Variants in RBM25 observed in about 807,000 individuals in gnomAD.
RBM25 encodes the protein RNA-binding protein 25.
RBM25 carries 19 observed loss-of-function variants against 120.7 expected under a neutral mutation model. That is an observed-to-expected ratio of 0.16 (90% CI 0.11 to 0.23). The LOEUF is 0.23. RBM25 is among the 10% of genes least tolerant of loss of function. The pLI, the probability that RBM25 is intolerant of heterozygous loss-of-function variation, is 1.00. For synonymous variants in RBM25, 390 were observed against 326.7 expected (o/e 1.19, Z -2.09); for missense variants, 605 against 1,041.5 (o/e 0.58, Z 5.77).
At chr14:73,119,649 C>G in intron 18 of RBM25, 64 bp from the exon 19 acceptor site, 3 of 1,594,500 alleles carry the variant, frequency 1.9e-6, no homozygotes, top group Non-Finnish European at 1.7e-6. Flanking sequence ...ATACTGGCCA[C>G]TGTTTTTGGC....
intron 9 of RBM25, chr14:73,102,138 T>A (rs1896068935): frequency 6.6e-6 from 1 of 152,212 alleles, no homozygotes; most frequent in South Asian, 2.1e-4. Context: ...AAAAGAAAAA[T>A]GCACATTTTA....
intron 7 of RBM25, 96 bp downstream of exon 7, chr14:73,097,196 C>T (rs67768323): frequency 0.086 from 12,006 of 139,028 alleles, 2,229 homozygotes; most frequent in Middle Eastern, 0.31. Flanking sequence ...TTTTTCTTTT[C>T]TTTTTTTTTT....
At chr14:73,083,420 A>G in intron 4 of RBM25, 74 bp from the exon 5 acceptor site, 1 of 1,182,678 alleles carries the variant, frequency 8.5e-7, no homozygotes, top group Non-Finnish European at 1.2e-6. Flanking sequence ...GTAGAAATAT[A>G]ATTTTGCTTT....
In RBM25 at chr14:73,123,898, C is replaced by T. The variant is rs1896573919; in HGVS notation, c.*4093C>T. On this transcript the variant is annotated 3_prime_UTR_variant, in exon 19 of 19. Coordinates refer to ENST00000261973, the MANE Select transcript of RBM25 (RefSeq NM_021239.3). ...AAGCCATGTTGTTTGAATTAAATGACACTCCTGAGTCTGTCTACTTTTTTT... is the reference window on the plus strand; with the variant it reads ...AAGCCATGTTGTTTGAATTAAATGATACTCCTGAGTCTGTCTACTTTTTTT... The T allele has an allele frequency of 6.6e-6, 1 of 150,820 alleles. No individual in the cohort carries two copies. The highest frequency in any genetic ancestry group is 1.5e-5 in the Non-Finnish European group (1 of 67,864). 9.3% of individuals were successfully genotyped at this position (150,820 alleles called of 1,614,324 possible). A position where few individuals can be genotyped will look rare whatever the true frequency, so the allele number is the denominator to read the frequency against.
At chr14:73,074,768 C>T (rs1292898082) in intron 2 of RBM25, among the ~76,000 whole-genome samples, 1 of 150,640 alleles carries the variant, frequency 6.6e-6, no homozygotes, top group African/African-American at 2.5e-5. Context: ...TGCAGTGGTG[C>T]CATTACAGCT....
Position 73,103,988 on chromosome 14 carries a change from ACACACACTCT to A in RBM25, c.1154+512_1154+521del, listed in dbSNP as rs776905701. ...CACACACACACACACACACACACAC[ACACACACTCT>A]CTCTCTCTCTCTCTCTCTCACTATG... On this transcript the variant is annotated intron_variant, in intron 10 of 18. Transcript: ENST00000261973. Among the ~76,000 whole-genome samples, 29 of 118,404 alleles carry A rather than the reference ACACACACTCT, an allele frequency of 2.4e-4. 1 individual carries two copies. Among genetic ancestry groups the A allele is most frequent in the South Asian group, 8.2e-4 (3 of 3,658 alleles). The allele number at this position is 118,404 out of a possible 152,430, so 77.7% of individuals were successfully genotyped here. A position where few individuals can be genotyped will look rare whatever the true frequency, so the allele number is the denominator to read the frequency against.
chr14:73,093,750 AC>A (rs1895868825), intron 6 of RBM25, among the ~76,000 whole-genome samples: 1 of 151,344 alleles, frequency 6.6e-6, no homozygotes, highest in Non-Finnish European at 1.5e-5. Context: ...CAGGTGGTCC[AC>A]CCGCCTCGGC....
intron 18 of RBM25, among the ~76,000 whole-genome samples, chr14:73,114,914 C>T (rs950655990): frequency 3.9e-5 from 6 of 152,114 alleles, no homozygotes; most frequent in Non-Finnish European, 8.8e-5. Flanking sequence ...AATAAGGCTT[C>T]ATTCTTTTCC....
intron 5 of RBM25, among the ~76,000 whole-genome samples, chr14:73,085,418 G>A (rs977392366): frequency 7.4e-5 from 11 of 149,166 alleles, no homozygotes; most frequent in African/African-American, 2.4e-4. Flanking sequence ...AGTTGCCCCT[G>A]CATCTACTGT....
rs1167681174 is a variant in RBM25, at chr14:73,085,703, T to C, written c.382+2152T>C. The stretch of plus-strand genomic sequence containing the variant: ...TTCAGGTGATCCGCCCACCTCAGTC[T>C]CCCAAAGTGCTGGGATTACAGGCTT... On this transcript the variant is annotated intron_variant, in intron 5 of 18. Coordinates refer to ENST00000261973, the MANE Select transcript of RBM25 (RefSeq NM_021239.3). 2.0e-5 allele frequency among the ~76,000 whole-genome samples: 3 copies of C among 152,208 alleles called. No homozygotes were observed. In the East Asian group the frequency reaches 5.8e-4, roughly 29 times the overall value.
intron 13 of RBM25, 104 bp from the exon 14 acceptor site, chr14:73,109,238 A>C: frequency 1.7e-4 from 186 of 1,098,068 alleles, no homozygotes; most frequent in Non-Finnish European, 2.2e-4. Flanking sequence ...TTAACCTCTT[A>C]GCATGCAGGT....
chr14:73,081,596 T>C (rs1670917964), intron 4 of RBM25, among the ~76,000 whole-genome samples: 1 of 152,202 alleles, frequency 6.6e-6, no homozygotes, highest in Admixed American at 6.6e-5. Context: ...TAGTAGTTCC[T>C]GTTATATTGG....
intron 6 of RBM25, among the ~76,000 whole-genome samples, chr14:73,091,709 T>TA (rs35127937): frequency 0.15 from 23,076 of 148,918 alleles, 1,932 homozygotes; most frequent in South Asian, 0.24. Context: ...CCATCTCTAC[T>TA]AAAAAAAAAA....
At chr14:73,113,520 G>A (rs1434100521) in intron 17 of RBM25, among the ~76,000 whole-genome samples, 2 of 151,744 alleles carry the variant, frequency 1.3e-5, no homozygotes, top group Non-Finnish European at 2.9e-5. Flanking sequence ...GTAAAACCCC[G>A]CCTCTACTAA....
chr14:73,116,623 G>C (rs938719869), intron 18 of RBM25, among the ~76,000 whole-genome samples: 2 of 152,152 alleles, frequency 1.3e-5, no homozygotes, highest in African/African-American at 4.8e-5. Flanking sequence ...GAAGCTTCCA[G>C]CCCCGTTTTT....
intron 1 of RBM25, among the ~76,000 whole-genome samples, chr14:73,063,009 A>G (rs1219038835): frequency 6.6e-6 from 1 of 150,710 alleles, no homozygotes; most frequent in Non-Finnish European, 1.5e-5. Context: ...TTTGGTAGAG[A>G]TGGGGTTTCA....
chr14:73,115,129 C>G (rs1398489717), intron 18 of RBM25, among the ~76,000 whole-genome samples: 1 of 150,852 alleles, frequency 6.6e-6, no homozygotes, highest in East Asian at 1.9e-4. Flanking sequence ...TTAAGCATCA[C>G]AAGGATTACT....
In RBM25 at chr14:73,103,375, C is replaced by G; in HGVS notation, c.1051C>G (p.Arg351Gly). ...GCGGGAACGAGAACGGGATAGGGAC[C>G]GTGACCGGACAAAAGAGAGAGACCG... ...RERERERDRD[R>G]DRTKERDRDR... Residue 351 changes from arginine (R) to glycine (G), a missense_variant, in exon 10 of 19, where the codon CGT becomes GGT. Arg to Gly is a moderately radical substitution (Grantham distance 125). Around this residue, in one of 4 missense-constraint regions of RBM25, gnomAD observed 465 missense variants for 741.6 expected, o/e 0.63. Coordinates refer to ENST00000261973, the MANE Select transcript of RBM25 (RefSeq NM_021239.3). The G allele has an allele frequency of 6.2e-7, 1 of 1,610,156 alleles. No individual in the cohort carries two copies. The highest frequency in any genetic ancestry group is 8.5e-7 in the Non-Finnish European group (1 of 1,178,068).
At position 73,116,072 on chromosome 14, in the gene RBM25, G is replaced by GT. The variant is rs140937306; in HGVS notation, c.2439+1750dup. Among the ~76,000 whole-genome samples the GT allele has an allele frequency of 5.8e-3, 845 of 146,756 alleles. 6 individuals are homozygous for GT. The highest frequency in any genetic ancestry group is 0.016 in the African/African-American group (650 of 40,252). On this transcript the variant is annotated intron_variant, in intron 18 of 18. Transcript: ENST00000261973. ...AGAGCTCATGAACGTCCATGGAGTT[G>GT]TTTTTTTTTTTACCAAGAAAGAAAC... is the stretch of plus-strand genomic sequence containing the variant.
Sources: allele counts gnomAD v4.1 joint callset (sites outside exome capture counted in the v4.1 genomes callset), GRCh38; gene constraint gnomAD v4.1.1; regional missense constraint gnomAD v4.1.1; transcripts MANE v1.5; gene names NCBI Gene and HGNC (gene_info 2026-07-23, HGNC 2026-07-21).